Variants in DNAJC16 observed in about 807,000 individuals in gnomAD.
The protein encoded by DNAJC16 is DnaJ heat shock protein family (Hsp40) member C16, also known as dnaJ homolog subfamily C member 16.
A neutral mutation model predicts 92.7 loss-of-function variants in DNAJC16; 76 were observed. The observed-to-expected ratio is 0.82, with a 90% CI of 0.68 to 0.99. The LOEUF (loss-of-function observed/expected upper bound fraction) is 0.99, where lower values mean the gene tolerates loss of function less well. DNAJC16 is among the 50% of genes least tolerant of loss of function. The pLI is 0.00. For missense variants in DNAJC16, 869 were observed against 942.4 expected (o/e 0.92, Z 1.02); for synonymous variants, 328 against 358.7 (o/e 0.91, Z 0.97).
At position 15,535,464 on chromosome 1, in the gene DNAJC16, C is replaced by T. The variant is rs574579612; in HGVS notation, c.235-1011C>T. On this transcript the variant is annotated intron_variant, in intron 3 of 14. Coordinates refer to ENST00000375847, the MANE Select transcript of DNAJC16 (RefSeq NM_015291.4). ...AATGACTGCATTTAGAATATCTAAT[C>T]GGCTGGACCCAGTGGCTGCTCACGC... 1.1e-4 allele frequency among the ~76,000 whole-genome samples: 16 copies of T among 152,298 alleles called. No homozygotes were observed. The South Asian group carries it at 2.1e-3, about 20-fold the overall frequency.
chr1:15,528,437 A>C (rs12747599), intron 1 of DNAJC16, among the ~76,000 whole-genome samples: 136 of 98,892 alleles, frequency 1.4e-3, no homozygotes, highest in Non-Finnish European at 2.4e-3. Flanking sequence ...CGTCTCAAAA[A>C]AAAAAAACAA....
intron 7 of DNAJC16, among the ~76,000 whole-genome samples, chr1:15,551,056 G>A (rs760620418): frequency 2.6e-5 from 4 of 152,198 alleles, no homozygotes; most frequent in Non-Finnish European, 4.4e-5. Context: ...TTTTAGTAGA[G>A]ATGGGGTTTC....
rs6656907 is a variant in DNAJC16 at position 15,570,489 on chromosome 1, A to G, written c.*2312A>G. The G allele has an allele frequency of 0.29, 43,928 of 152,098 alleles. 7,472 individuals are homozygous for G. The highest frequency in any genetic ancestry group is 0.47 in the African/African-American group (19,301 of 41,414). The allele number at this position is 152,098 out of a possible 1,614,324, so 9.4% of individuals were successfully genotyped here. A position where few individuals can be genotyped will look rare whatever the true frequency, so the allele number is the denominator to read the frequency against. ...GCCTCCCAAAGTGCTGGGATTATCA[A>G]TATGAGCCACCATGCCAGATTTGTT... On this transcript the variant is annotated 3_prime_UTR_variant, in exon 15 of 15. Coordinates refer to ENST00000375847, the MANE Select transcript of DNAJC16 (RefSeq NM_015291.4).
intron 7 of DNAJC16, among the ~76,000 whole-genome samples, chr1:15,555,304 T>C (rs1157398863): frequency 1.3e-5 from 2 of 151,580 alleles, no homozygotes; most frequent in Non-Finnish European, 2.9e-5. Context: ...GGAGAACTGC[T>C]TGAACTCAGG....
At chr1:15,532,794 T>C (rs1710689746) in intron 2 of DNAJC16, among the ~76,000 whole-genome samples, 1 of 152,166 alleles carries the variant, frequency 6.6e-6, no homozygotes, top group Non-Finnish European at 1.5e-5. Flanking sequence ...GAGATTTTTT[T>C]CCCCCACTAA....
At chr1:15,531,251 A>G (rs1449532003) in intron 2 of DNAJC16, among the ~76,000 whole-genome samples, 1 of 152,228 alleles carries the variant, frequency 6.6e-6, no homozygotes, top group African/African-American at 2.4e-5. Flanking sequence ...TGCGCCTGAC[A>G]CTGTTCTGCT....
intron 7 of DNAJC16, 32 bp downstream of exon 7, chr1:15,548,460 T>A (rs758764207): frequency 1.3e-6 from 2 of 1,576,498 alleles, no homozygotes; most frequent in African/African-American, 2.7e-5. Context: ...TAAGATTTTC[T>A]TCACATTTTA....
intron 7 of DNAJC16, among the ~76,000 whole-genome samples, chr1:15,553,229 CTTTTG>C (rs113932795): frequency 6.6e-6 from 1 of 151,252 alleles, no homozygotes; most frequent in Non-Finnish European, 1.5e-5. Context: ...TGTGGCTTGT[CTTTTG>C]TTTTGTTTTG....
rs913302474 is a variant in DNAJC16, at chr1:15,543,346, C to T, written c.575-1053C>T. ...GTAAAGAAGTCAGCTACGCAGAAGT[C>T]ACGGAGATGCACACTTCAGGCTGAA... On this transcript the variant is annotated intron_variant, in intron 4 of 14. Coordinates refer to ENST00000375847, the MANE Select transcript of DNAJC16 (RefSeq NM_015291.4). Among the ~76,000 whole-genome samples, 4 of 152,230 alleles carry T rather than the reference C, an allele frequency of 2.6e-5. No homozygotes were observed. In the South Asian group the frequency reaches 8.3e-4, roughly 31 times the overall value.
intron 7 of DNAJC16, among the ~76,000 whole-genome samples, chr1:15,552,456 T>C (rs1638467456): frequency 6.6e-6 from 1 of 151,796 alleles, no homozygotes; most frequent in East Asian, 1.9e-4. Context: ...GCCACTGCAC[T>C]CCAGCCTGGG....
intron 2 of DNAJC16, among the ~76,000 whole-genome samples, chr1:15,530,457 C>T (rs1354977172): frequency 1.3e-5 from 2 of 152,160 alleles, no homozygotes; most frequent in African/African-American, 4.8e-5. Context: ...GTTTCTTCCA[C>T]CAATGCCTTG....
At position 15,568,478 on chromosome 1, in the gene DNAJC16, C is replaced by T. The variant is rs1020766227; in HGVS notation, c.*301C>T. On this transcript the variant is annotated 3_prime_UTR_variant, in exon 15 of 15. Transcript: ENST00000375847. ...CTTTCTTGTCCTTGTCCCATGCTCA[C>T]CCCACCCTCCTGTCCTGTGTCTTGG... The T allele has an allele frequency of 2.6e-5, 13 of 491,518 alleles. No homozygotes were observed. In the Admixed American group the frequency reaches 3.0e-4, roughly 11 times the overall value. The allele number at this position is 491,518 out of a possible 1,614,324, so 30.4% of individuals were successfully genotyped here.
At position 15,536,376 on chromosome 1, in the gene DNAJC16, G is replaced by A. The variant is rs559047441; in HGVS notation, c.235-99G>A. On this transcript the variant is annotated intron_variant, in intron 3 of 14. Transcript: ENST00000375847. Reference sequence around the variant, plus strand: ...ATTACAGGTGTGAGCCACCACGACTGGCTGCATTTATTTTCTTCCTATGTC... The same window carrying A: ...ATTACAGGTGTGAGCCACCACGACTAGCTGCATTTATTTTCTTCCTATGTC... 1.9e-4 allele frequency: 188 copies of A among 1,010,556 alleles called. No homozygotes were observed. In the African/African-American group the frequency reaches 2.9e-3, roughly 15 times the overall value. 62.6% of individuals were successfully genotyped at this position (1,010,556 alleles called of 1,614,324 possible). A position where few individuals can be genotyped will look rare whatever the true frequency, so the allele number is the denominator to read the frequency against.
intron 7 of DNAJC16, among the ~76,000 whole-genome samples, chr1:15,555,864 G>A (rs1638557821): frequency 6.6e-6 from 1 of 151,484 alleles, no homozygotes; most frequent in Admixed American, 6.6e-5. Context: ...GGTGTTGCAT[G>A]CCTATAATCC....
At chr1:15,529,384 T>A in intron 2 of DNAJC16, 112 bp downstream of exon 2, 1 of 1,086,866 alleles carries the variant, frequency 9.2e-7, no homozygotes, top group Non-Finnish European at 1.3e-6. Context: ...TCAATATATA[T>A]ATCTGTCTAA....
At chr1:15,528,714 TC>T (rs1290485910) in intron 1 of DNAJC16, among the ~76,000 whole-genome samples, 1 of 152,218 alleles carries the variant, frequency 6.6e-6, no homozygotes, top group East Asian at 1.9e-4. Flanking sequence ...TTTTATTTAT[TC>T]TTATCAGAAT....
chr1:15,536,941 C>T, intron 4 of DNAJC16, 127 bp downstream of exon 4: 2 of 760,014 alleles, frequency 2.6e-6, no homozygotes, highest in Non-Finnish European at 4.0e-6. Context: ...ACCTCCACCT[C>T]CCGGGTTCAA....
In DNAJC16 at chr1:15,557,903, CT is replaced by C. The variant is rs541852769; in HGVS notation, c.1024-1614del. Among the ~76,000 whole-genome samples, 730 of 151,036 alleles carry C rather than the reference CT, an allele frequency of 4.8e-3. 4 individuals carry two copies. The highest frequency in any genetic ancestry group is 7.3e-3 in the Non-Finnish European group (495 of 67,666). On this transcript the variant is annotated intron_variant, in intron 7 of 14. Transcript: ENST00000375847. ...ACATGCCACCATGCCCAGCTAACAA[CT>C]TTTTTTTTCCTTTTTTTTCTTTTAT... is the stretch of plus-strand genomic sequence containing the variant.
At chr1:15,545,125 A>G (rs1638267578) in intron 5 of DNAJC16, among the ~76,000 whole-genome samples, 2 of 152,236 alleles carry the variant, frequency 1.3e-5, no homozygotes. Flanking sequence ...GAGAAGCCAG[A>G]TAAAGTTCAC....
Sources: gnomAD v4.1 joint callset for allele counts (sites outside exome capture counted in the v4.1 genomes callset) on GRCh38, gnomAD v4.1.1 for gene constraint, MANE v1.5 for transcripts, NCBI Gene and HGNC (gene_info 2026-07-23, HGNC 2026-07-21) for gene names.